The following MEMO1 variants were observed in gnomAD, a reference collection of about 807,000 sequenced individuals.
MEMO1 encodes the protein protein MEMO1.
A neutral mutation model predicts 45.2 loss-of-function variants in MEMO1; 6 were observed. The ratio of observed to expected loss-of-function variants is 0.13; its 90% CI spans 0.07 to 0.26. The LOEUF is 0.26. MEMO1 is among the 10% of genes least tolerant of loss of function. The pLI, the probability that MEMO1 is intolerant of heterozygous loss-of-function variation, is 1.00. For synonymous variants in MEMO1, 78 were observed against 124.3 expected (o/e 0.63, Z 2.48); for missense variants, 184 against 370.5 (o/e 0.50, Z 4.13).
intron 8 of MEMO1, among the ~76,000 whole-genome samples, chr2:31,881,054 G>A (rs927076010): frequency 1.3e-5 from 2 of 150,402 alleles, no homozygotes; most frequent in East Asian, 3.9e-4. Context: ...AGAAAAGAAG[G>A]AAAAGAAAAA....
chr2:31,883,454 A>C lies in MEMO1; in HGVS notation c.589T>G (p.Phe197Val). The change falls in exon 8 of 10, where the codon TTC (phenylalanine) becomes GTC (valine). Residue 197 changes from phenylalanine (F) to valine (V), a missense_variant. By Grantham distance (50) the Phe-to-Val change is conservative (BLOSUM62 -1). Around this residue, in one of 3 missense-constraint regions of MEMO1, gnomAD observed 97 missense variants for 209.3 expected, o/e 0.46. Transcript: ENST00000404530. ...SSDFCHWGQRFRYSYYDESQG... is the reference protein window; with the variant it reads ...SSDFCHWGQRVRYSYYDESQG... ...GATTCATCATAGTAACTGTAACGGAACCTTTGACCTTGAAACAAATATCAT... is the reference window on the plus strand; with the variant it reads ...GATTCATCATAGTAACTGTAACGGACCCTTTGACCTTGAAACAAATATCAT... 1 of 1,586,140 alleles carries C rather than the reference A, an allele frequency of 6.3e-7. No individual in the cohort carries two copies. The highest frequency in any genetic ancestry group is 8.6e-7 in the Non-Finnish European group (1 of 1,168,158).
chr2:31,936,290 A>C (rs527881761), intron 3 of MEMO1, among the ~76,000 whole-genome samples: 2 of 152,148 alleles, frequency 1.3e-5, no homozygotes, highest in Admixed American at 1.3e-4. Flanking sequence ...AAAAGCTCTT[A>C]AAGTCCTTAA....
At chr2:31,960,582 A>C (rs72860958) in intron 2 of MEMO1, among the ~76,000 whole-genome samples, 3,944 of 152,182 alleles carry the variant, frequency 0.026, 46 homozygotes, top group African/African-American at 0.047. Context: ...ATGAAAAGTA[A>C]AATCTTCTCT....
intron 2 of MEMO1, among the ~76,000 whole-genome samples, chr2:31,997,737 G>T (rs1428975977): frequency 1.3e-5 from 2 of 152,206 alleles, no homozygotes; most frequent in Non-Finnish European, 2.9e-5. Context: ...GTCATAGTAT[G>T]TAAGACCTTG....
At chr2:31,969,303 T>G (rs1420980518) in intron 2 of MEMO1, among the ~76,000 whole-genome samples, 1 of 150,736 alleles carries the variant, frequency 6.6e-6, no homozygotes, top group African/African-American at 2.4e-5. Flanking sequence ...ATAATATATA[T>G]ACACATATAT....
intron 2 of MEMO1, among the ~76,000 whole-genome samples, chr2:31,959,342 T>C (rs931813260): frequency 4.1e-4 from 62 of 152,118 alleles, no homozygotes; most frequent in African/African-American, 1.4e-3. Flanking sequence ...ATACAGGTAC[T>C]TGGGCAGAGA....
intron 3 of MEMO1, among the ~76,000 whole-genome samples, chr2:31,937,038 G>T (rs752636810): frequency 6.6e-6 from 1 of 152,150 alleles, no homozygotes; most frequent in African/African-American, 2.4e-5. Context: ...TGAACAGATG[G>T]GATCAATTTG....
At chr2:31,889,351 T>C (rs1187886480) in intron 7 of MEMO1, among the ~76,000 whole-genome samples, 1 of 152,092 alleles carries the variant, frequency 6.6e-6, no homozygotes, top group Non-Finnish European at 1.5e-5. Flanking sequence ...ACTGAATCCC[T>C]CCTGTGAAAT....
chr2:31,973,486 G>T (rs1453075497), intron 2 of MEMO1, among the ~76,000 whole-genome samples: 1 of 151,974 alleles, frequency 6.6e-6, no homozygotes, highest in Admixed American at 6.6e-5. Flanking sequence ...TTAAAAGCAG[G>T]TATTTAAACA....
intron 8 of MEMO1, among the ~76,000 whole-genome samples, chr2:31,879,594 C>G (rs1675051579): frequency 6.6e-6 from 1 of 151,900 alleles, no homozygotes; most frequent in South Asian, 2.1e-4. Context: ...TTTATTATAG[C>G]CATATTTAAA....
intron 5 of MEMO1, among the ~76,000 whole-genome samples, chr2:31,918,438 C>T (rs1292659177): frequency 6.6e-6 from 1 of 152,016 alleles, no homozygotes; most frequent in Non-Finnish European, 1.5e-5. Context: ...AATTAGAATT[C>T]CTACTGAAAT....
chr2:31,915,117 G>C (rs530998129), intron 6 of MEMO1, among the ~76,000 whole-genome samples: 1 of 151,960 alleles, frequency 6.6e-6, no homozygotes, highest in South Asian at 2.1e-4. Flanking sequence ...GGGCAACAGA[G>C]CTGAGACTCT....
At chr2:31,949,958 T>C (rs149906890) in intron 2 of MEMO1, among the ~76,000 whole-genome samples, 8 of 152,312 alleles carry the variant, frequency 5.3e-5, no homozygotes, top group African/African-American at 1.7e-4. Context: ...CCATCAATAT[T>C]TGGGTGCACC....
rs993139964 is a variant in MEMO1 at position 31,963,380 on chromosome 2, C to T, written c.62-19997G>A. 6 of 1,095,096 alleles carry T rather than the reference C, an allele frequency of 5.5e-6. No homozygotes were observed. In the African/African-American group the frequency reaches 8.0e-5, roughly 15 times the overall value. 67.8% of individuals were successfully genotyped at this position (1,095,096 alleles called of 1,614,324 possible). ...ACTGGTTCTGTTTCTCTGAAGGACACTGACTAATACTCCAAGAAGCAAGGA... is the reference window on the plus strand; with the variant it reads ...ACTGGTTCTGTTTCTCTGAAGGACATTGACTAATACTCCAAGAAGCAAGGA... On this transcript the variant is annotated intron_variant, in intron 2 of 9. Coordinates refer to ENST00000404530, the MANE Select transcript of MEMO1 (RefSeq NM_001301833.4).
At chr2:31,969,484 T>G (rs916593362) in intron 2 of MEMO1, among the ~76,000 whole-genome samples, 3 of 151,782 alleles carry the variant, frequency 2.0e-5, no homozygotes, top group African/African-American at 7.3e-5. Context: ...CTCATTTTTA[T>G]AGACAGAAAA....
At chr2:31,967,740 C>T (rs190632715) in intron 2 of MEMO1, among the ~76,000 whole-genome samples, 5 of 152,230 alleles carry the variant, frequency 3.3e-5, no homozygotes, top group East Asian at 1.9e-4. Flanking sequence ...CCACCATGCC[C>T]GGCCTAATAA....
At position 31,868,604 on chromosome 2, in the gene MEMO1, T is replaced by C. The variant is rs181868678; in HGVS notation, c.763-112A>G. 2.5e-4 allele frequency: 251 copies of C among 1,009,096 alleles called. 2 individuals are homozygous for C. The African/African-American group carries it at 2.9e-3, about 12-fold the overall frequency. The allele number at this position is 1,009,096 out of a possible 1,614,324, so 62.5% of individuals were successfully genotyped here. On this transcript the variant is annotated intron_variant, in intron 9 of 9. Coordinates refer to ENST00000404530, the MANE Select transcript of MEMO1 (RefSeq NM_001301833.4). The stretch of plus-strand genomic sequence containing the variant: ...ACAGCTGAAGCCTAGATTATCTCTT[T>C]TGCTCTTTTGTTTCTTGAATTTCTC...
chr2:31,913,532 T>A (rs1406168350), intron 6 of MEMO1, among the ~76,000 whole-genome samples: 1 of 150,328 alleles, frequency 6.7e-6, no homozygotes, highest in Non-Finnish European at 1.5e-5. Flanking sequence ...TTTTTTTTTT[T>A]ATTTTTTGAA....
At chr2:31,981,613 C>T (rs1018013027) in intron 2 of MEMO1, among the ~76,000 whole-genome samples, 12 of 152,156 alleles carry the variant, frequency 7.9e-5, no homozygotes, top group African/African-American at 2.9e-4. Context: ...TTTGCCTTAA[C>T]AAAATCAACA....
Sources: allele counts gnomAD v4.1 joint callset (sites outside exome capture counted in the v4.1 genomes callset), GRCh38; gene constraint gnomAD v4.1.1; regional missense constraint gnomAD v4.1.1; transcripts MANE v1.5; gene names NCBI Gene and HGNC (gene_info 2026-07-23, HGNC 2026-07-21).